TRAF1: variants seen among roughly 807,000 people sequenced by gnomAD.
The protein encoded by TRAF1 is TNF receptor-associated factor 1.
A neutral mutation model predicts 40.9 loss-of-function variants in TRAF1; 23 were observed. That is an observed-to-expected ratio of 0.56 (90% CI 0.40 to 0.80). TRAF1 has a LOEUF of 0.80. Ranked by LOEUF, TRAF1 falls within the 30% of genes least tolerant of loss-of-function variation. The pLI is 0.00. For synonymous variants in TRAF1, 206 were observed against 218.8 expected (o/e 0.94, Z 0.52); for missense variants, 477 against 528.7 (o/e 0.90, Z 0.96).
At chr9:120,923,183 G>C (rs62578382) in intron 3 of TRAF1, among the ~76,000 whole-genome samples, 6,637 of 152,252 alleles carry the variant, frequency 0.044, 213 homozygotes, top group Middle Eastern at 0.092. Flanking sequence ...CATTTACCAA[G>C]GGGTTTATAT....
chr9:120,913,268 G>A (rs1277446446), intron 5 of TRAF1, 60 bp downstream of exon 5: 48 of 1,528,618 alleles, frequency 3.1e-5, no homozygotes, highest in East Asian at 2.3e-4. Context: ...CCTGTCTGCC[G>A]CTCTGGAGAC....
In TRAF1 at chr9:120,909,226, A is replaced by C. The variant is rs779587375; in HGVS notation, c.1032+4T>G. 5 of 1,613,428 alleles carry C rather than the reference A, an allele frequency of 3.1e-6. No homozygotes were observed. The African/African-American group carries it at 5.3e-5, about 17-fold the overall frequency. ...CCTTACCCCCATCACCTTCACACCCATACCTTGTTCCGGAAGGGCCACGGC... is the reference window on the plus strand; with the variant it reads ...CCTTACCCCCATCACCTTCACACCCCTACCTTGTTCCGGAAGGGCCACGGC... On this transcript the variant is annotated splice_donor_region_variant and intron_variant, in intron 7 of 7. Transcript: ENST00000373887.
At chr9:120,917,446 C>T (rs2046576695) in intron 3 of TRAF1, among the ~76,000 whole-genome samples, 1 of 152,096 alleles carries the variant, frequency 6.6e-6, no homozygotes, top group Non-Finnish European at 1.5e-5. Flanking sequence ...AATAATACCC[C>T]CTTACAGGGT....
At chr9:120,927,170 G>A (rs939943447), upstream of TRAF1, 3 of 152,234 alleles carry the variant, frequency 2.0e-5, no homozygotes, top group African/African-American at 7.2e-5. Flanking sequence ...CACCAGGGCT[G>A]TGGGGCCCCA....
intron 7 of TRAF1, 70 bp downstream of exon 7, chr9:120,909,160 T>C (rs1405536462): frequency 6.4e-7 from 1 of 1,558,326 alleles, no homozygotes; most frequent in East Asian, 2.3e-5. Flanking sequence ...GGCCAATTCA[T>C]TGCCAAACCA....
intron 3 of TRAF1, among the ~76,000 whole-genome samples, chr9:120,920,468 G>A (rs1254285035): frequency 1.3e-5 from 2 of 151,766 alleles, no homozygotes; most frequent in African/African-American, 4.8e-5. Context: ...GCTTTACTGT[G>A]AGCTACTGGC....
chr9:120,916,171 T>C (rs746835304), intron 3 of TRAF1, among the ~76,000 whole-genome samples: 4 of 152,224 alleles, frequency 2.6e-5, no homozygotes, highest in Non-Finnish European at 5.9e-5. Flanking sequence ...AAAAACATTA[T>C]GCTAAGTGAA....
chr9:120,920,669 C>T (rs190252340), intron 3 of TRAF1, among the ~76,000 whole-genome samples: 4 of 152,338 alleles, frequency 2.6e-5, no homozygotes, highest in African/African-American at 9.6e-5. Flanking sequence ...ACTAGGTCAA[C>T]ATTAATCCTC....
intron 3 of TRAF1, among the ~76,000 whole-genome samples, chr9:120,920,038 AG>A (rs1211092058): frequency 1.3e-5 from 2 of 152,212 alleles, no homozygotes; most frequent in African/African-American, 4.8e-5. Flanking sequence ...AGGATGTCAC[AG>A]GATCGGGGCG....
intron 5 of TRAF1, 93 bp from the exon 6 acceptor site, chr9:120,911,606 T>A: frequency 6.8e-7 from 1 of 1,467,366 alleles, no homozygotes; most frequent in Non-Finnish European, 9.2e-7. Context: ...GCCCCAGATG[T>A]GTTTTGCTGA....
At chr9:120,913,876 G>A in intron 4 of TRAF1, 138 bp from the exon 5 acceptor site, 9 of 992,980 alleles carry the variant, frequency 9.1e-6, no homozygotes, top group Non-Finnish European at 1.3e-5. Flanking sequence ...TACAGTGGGA[G>A]GGATTCAGAG....
rs1288966251 is a variant in TRAF1, at chr9:120,918,921, G to A, written c.229-4621C>T. On this transcript the variant is annotated intron_variant, in intron 3 of 7. Coordinates refer to ENST00000373887, the MANE Select transcript of TRAF1 (RefSeq NM_005658.5). ...ATGAGGGGGAGGTTGGGGCTCTGAGGTTCTGCTTCCCTCGGGTAGGTGGAG... is the reference window on the plus strand; with the variant it reads ...ATGAGGGGGAGGTTGGGGCTCTGAGATTCTGCTTCCCTCGGGTAGGTGGAG... Among the ~76,000 whole-genome samples, 4 of 152,208 alleles carry A rather than the reference G, an allele frequency of 2.6e-5. No individual in the cohort carries two copies. The East Asian group carries it at 7.7e-4, about 29-fold the overall frequency.
intron 6 of TRAF1, among the ~76,000 whole-genome samples, chr9:120,909,662 G>C (rs1456027504): frequency 3.3e-5 from 5 of 152,214 alleles, no homozygotes; most frequent in African/African-American, 4.8e-5. Context: ...GGCACTTCCA[G>C]CAAGTTTGCA....
chr9:120,905,291 G>A, intron 7 of TRAF1, 53 bp from the exon 8 acceptor site: 5 of 1,535,054 alleles, frequency 3.3e-6, no homozygotes, highest in Non-Finnish European at 4.4e-6. Context: ...AGCGCAGCTT[G>A]GAGGCCCAGG....
intron 3 of TRAF1, chr9:120,914,678 C>T (rs1371501327): frequency 1.5e-6 from 1 of 674,996 alleles, no homozygotes; most frequent in African/African-American, 1.9e-5. Flanking sequence ...ACTCAGAACA[C>T]ACTGACTGCA....
At chr9:120,916,476 TA>T (rs1015958963) in intron 3 of TRAF1, among the ~76,000 whole-genome samples, 3 of 152,210 alleles carry the variant, frequency 2.0e-5, no homozygotes, top group South Asian at 2.1e-4. Flanking sequence ...GTTATTTATT[TA>T]TTTTTTTTTG....
At position 120,914,242 on chromosome 9, in the gene TRAF1, G is replaced by A; in HGVS notation, c.287C>T (p.Ser96Phe). 1.3e-6 allele frequency: 2 copies of A among 1,536,056 alleles called. No homozygotes were observed. The highest frequency in any genetic ancestry group is 1.8e-6 in the Non-Finnish European group (2 of 1,130,414). ...TCACACTCAGATGCTTACCTTGAAG[G>A]AGCAGCCGACACCTGCAAAGGGGCA... is the stretch of plus-strand genomic sequence containing the variant. Reference protein sequence around the residue: ...IGCPFAGVGCSFKGSPQSVQE... With the variant: ...IGCPFAGVGCFFKGSPQSVQE... The change falls in exon 4 of 8, where the codon TCC (serine) becomes TTC (phenylalanine). Residue 96 changes from serine to phenylalanine, a missense_variant. Ser to Phe is a radical substitution (Grantham distance 155). Coordinates refer to ENST00000373887, the MANE Select transcript of TRAF1 (RefSeq NM_005658.5).
chr9:120,915,229 G>A (rs146513064), intron 3 of TRAF1, among the ~76,000 whole-genome samples: 27 of 152,310 alleles, frequency 1.8e-4, no homozygotes, highest in African/African-American at 6.5e-4. Context: ...ACACAAACCT[G>A]GATGGTATAC....
In TRAF1 at chr9:120,903,811, G is replaced by C; in HGVS notation, c.*1209C>G. The C allele has an allele frequency of 6.6e-6, 1 of 152,152 alleles. No homozygotes were observed. The highest frequency in any genetic ancestry group is 1.9e-4 in the East Asian group (1 of 5,180). The allele number at this position is 152,152 out of a possible 1,614,324, so 9.4% of individuals were successfully genotyped here. ...CTGGGGTGGGTCTCATTATAGAAAA[G>C]AGAAGACTGGGGCTAAGAGGGGATG... is the stretch of plus-strand genomic sequence containing the variant. On this transcript the variant is annotated 3_prime_UTR_variant, in exon 8 of 8. Transcript: ENST00000373887.
Sources: allele counts gnomAD v4.1 joint callset (sites outside exome capture counted in the v4.1 genomes callset), GRCh38; gene constraint gnomAD v4.1.1; transcripts MANE v1.5; gene names NCBI Gene and HGNC (gene_info 2026-07-23, HGNC 2026-07-21).